Variants in RPL3 observed in about 807,000 individuals in gnomAD.
The protein encoded by RPL3 is ribosomal protein L3, also known as large ribosomal subunit protein uL3.
In RPL3, 3 loss-of-function variants were observed where a neutral mutation model predicts 46.0. That is an observed-to-expected ratio of 0.07 (90% CI 0.03 to 0.17). RPL3 has a LOEUF of 0.17. Ranked by LOEUF, RPL3 falls within the 10% of genes least tolerant of loss-of-function variation. The pLI is 1.00. For synonymous variants in RPL3, 224 were observed against 190.8 expected (o/e 1.17, Z -1.43); for missense variants, 387 against 532.7 (o/e 0.73, Z 2.69).
rs766430898 is a variant in RPL3, at chr22:39,314,090, G to T, written c.951+17C>A. ...AGGCCTGGGATGGCCTCACAGAGCA[G>T]AACACCCATTACTTACCAGAGGGTT... On this transcript the variant is annotated intron_variant, in intron 7 of 9. Coordinates refer to ENST00000216146, the MANE Select transcript of RPL3 (RefSeq NM_000967.4). 2 of 1,605,378 alleles carry T rather than the reference G, an allele frequency of 1.2e-6. No homozygotes were observed. Among genetic ancestry groups the T allele is most frequent in the African/African-American group, 2.7e-5 (2 of 74,746 alleles).
intron 1 of RPL3, 70 bp downstream of exon 1, chr22:39,319,525 C>G: frequency 6.5e-7 from 1 of 1,549,652 alleles, no homozygotes; most frequent in East Asian, 2.4e-5. Context: ...GACGGGATGG[C>G]GGCGATGCGT....
intron 5 of RPL3, 98 bp from the exon 6 acceptor site, chr22:39,314,944 G>A: frequency 1.3e-6 from 2 of 1,504,014 alleles, no homozygotes; most frequent in Non-Finnish European, 1.8e-6. Flanking sequence ...GGTCATCTGA[G>A]GGAGTGATAA....
intron 2 of RPL3, 131 bp downstream of exon 2, chr22:39,318,269 A>C: frequency 2.4e-6 from 2 of 848,166 alleles, no homozygotes; most frequent in Middle Eastern, 2.3e-4. Flanking sequence ...CTGCTGTCGC[A>C]GCAGTTCTGA....
Position 39,317,565 on chromosome 22 carries a change from C to G in RPL3, c.261G>C (p.Val87=). The change falls in exon 3 of 10, where the codon GTG becomes GTC. Residue 87 remains valine, a synonymous_variant. Transcript: ENST00000216146. ...GGGTTTCCACGTAGCCCACAATGCCCACAACCACCATGGGTGGTGTCTCTA... is the reference window on the plus strand; with the variant it reads ...GGGTTTCCACGTAGCCCACAATGCCGACAACCACCATGGGTGGTGTCTCTA... ...TIVETPPMVV[V]GIVGYVETPR... 6.2e-7 allele frequency: 1 copy of G among 1,613,956 alleles called. No individual in the cohort carries two copies. Among genetic ancestry groups the G allele is most frequent in the Non-Finnish European group, 8.5e-7 (1 of 1,179,850 alleles).
At chr22:39,317,392 G>C (rs767064371) in intron 3 of RPL3, 69 bp downstream of exon 3, 233 of 1,533,016 alleles carry the variant, frequency 1.5e-4, no homozygotes, top group Non-Finnish European at 2.0e-4. Context: ...GAGAAACCAT[G>C]CACACGCTGC....
intron 2 of RPL3, chr22:39,317,889 A>C: frequency 2.0e-6 from 1 of 487,954 alleles, no homozygotes; most frequent in East Asian, 3.4e-5. Flanking sequence ...CTGGAGGCAG[A>C]CAAGATTGCT....
At chr22:39,319,339 ACGCCGGGCCTCCAAG>A in intron 1 of RPL3, 1 of 600,274 alleles carries the variant, frequency 1.7e-6, no homozygotes, top group Non-Finnish European at 3.0e-6. Flanking sequence ...GGCTTTAAAA[ACGCCGGGCCTCCAAG>A]CCTGCTCCCA....
intron 2 of RPL3, 22 bp from the exon 3 acceptor site, chr22:39,317,651 C>CA (rs1569161845): frequency 6.2e-7 from 1 of 1,609,544 alleles, no homozygotes; most frequent in South Asian, 1.1e-5. Flanking sequence ...AAGCAGTAGT[C>CA]AGACTTGGCA....
chr22:39,317,836 A>G (rs1922801968), intron 2 of RPL3: 5 of 561,302 alleles, frequency 8.9e-6, no homozygotes, highest in Non-Finnish European at 1.6e-5. Context: ...GACCCTAGAC[A>G]GCCAAATACC....
chr22:39,318,198 GCAAA>G (rs1428460774), intron 2 of RPL3, 198 bp downstream of exon 2: 1 of 578,114 alleles, frequency 1.7e-6, no homozygotes, highest in Non-Finnish European at 3.0e-6. Context: ...CGCACCTAAA[GCAAA>G]CAGTGCTGAC....
Position 39,313,739 on chromosome 22 carries a change from G to A in RPL3, c.952-10C>T, listed in dbSNP as rs748071586. ...AGTGGACAAAGCCACCCTGGAAAAC[G>A]AGCATCGGATCAGCACAGGCCCAGG... On this transcript the variant is annotated splice_polypyrimidine_tract_variant and intron_variant, in intron 7 of 9. Coordinates refer to ENST00000216146, the MANE Select transcript of RPL3 (RefSeq NM_000967.4). 102 of 1,613,030 alleles carry A rather than the reference G, an allele frequency of 6.3e-5. No homozygotes were observed. Among genetic ancestry groups the A allele is most frequent in the Middle Eastern group, 4.9e-4 (3 of 6,084 alleles).
chr22:39,316,270 G>C (rs1476744362), intron 4 of RPL3, among the ~76,000 whole-genome samples: 3 of 150,176 alleles, frequency 2.0e-5, no homozygotes, highest in Non-Finnish European at 3.0e-5. Flanking sequence ...TAAGCATAAA[G>C]CTTTCACTCA....
rs576724641 is a variant in RPL3 at position 39,315,700 on chromosome 22, G to A, written c.502-145C>T. On this transcript the variant is annotated intron_variant, in intron 4 of 9. Coordinates refer to ENST00000216146, the MANE Select transcript of RPL3 (RefSeq NM_000967.4). ...ACAAGTCACTGAACCTCACCAAGAG[G>A]AAGGAACTTTCATTTTTGCCAACAG... The A allele has an allele frequency of 1.2e-4, 115 of 942,346 alleles. 3 individuals are homozygous for A. The South Asian group carries it at 1.7e-3, about 14-fold the overall frequency. The allele number at this position is 942,346 out of a possible 1,614,324, so 58.4% of individuals were successfully genotyped here. A position where few individuals can be genotyped will look rare whatever the true frequency, so the allele number is the denominator to read the frequency against.
intron 5 of RPL3, 21 bp from the exon 6 acceptor site, chr22:39,314,867 T>C: frequency 6.2e-7 from 1 of 1,606,548 alleles, no homozygotes; most frequent in Non-Finnish European, 8.5e-7. Context: ...TACACATTAC[T>C]TCACCTCAGC....
In RPL3 at chr22:39,317,551, T is replaced by C. The variant is rs1569161735; in HGVS notation, c.275A>G (p.Tyr92Cys). ...PPMVVVGIVG[Y>C]VETPRGLRTF... ...CCGGAGGCCTCGAGGGGTTTCCACG[T>C]AGCCCACAATGCCCACAACCACCAT... The change falls in exon 3 of 10, where the codon TAC (tyrosine) becomes TGC (cysteine). Residue 92 changes from tyrosine (Y) to cysteine (C), a missense_variant. Around this residue, in one of 5 missense-constraint regions of RPL3, gnomAD observed 196 missense variants for 217.5 expected, o/e 0.90. Transcript: ENST00000216146. 5 of 1,613,982 alleles carry C rather than the reference T, an allele frequency of 3.1e-6. No individual in the cohort carries two copies. Among genetic ancestry groups the C allele is most frequent in the Non-Finnish European group, 4.2e-6 (5 of 1,179,862 alleles).
chr22:39,316,716 G>A lies in RPL3; in HGVS notation c.491C>T (p.Ala164Val), dbSNP rs1165201963. Residue 164 changes from alanine (A) to valine (V), a missense_variant, in exon 4 of 10, where the codon GCC (alanine) becomes GTC (valine). Ala to Val is a moderately conservative substitution (Grantham distance 64). Transcript: ENST00000216146. Reference sequence around the variant, plus strand: ...GGGCACTGGGCTCACCTGGGTGTGGGCAATGACACGGATGACTTGGCAGTA... The same window carrying A: ...GGGCACTGGGCTCACCTGGGTGTGGACAATGACACGGATGACTTGGCAGTA... ...KKYCQVIRVI[A>V]HTQMRLLPLR... is the part of the protein sequence containing the mutation. 6.2e-7 allele frequency: 1 copy of A among 1,612,326 alleles called. No individual in the cohort carries two copies.
In RPL3 at chr22:39,319,139, G is replaced by A. The variant is rs149482449; in HGVS notation, c.3+456C>T. 535 of 541,762 alleles carry A rather than the reference G, an allele frequency of 9.9e-4. 3 individuals carry two copies. The highest frequency in any genetic ancestry group is 8.6e-3 in the African/African-American group (452 of 52,340). 33.6% of individuals were successfully genotyped at this position (541,762 alleles called of 1,614,324 possible). Reference sequence around the variant, plus strand: ...GTTTCTGCGAGCTCCAGAGGCCTTCGGAGTGCACCAGCGGCCCCAGATATT... The same window carrying A: ...GTTTCTGCGAGCTCCAGAGGCCTTCAGAGTGCACCAGCGGCCCCAGATATT... On this transcript the variant is annotated intron_variant, in intron 1 of 9. Transcript: ENST00000216146.
chr22:39,313,400 C>G, intron 8 of RPL3, 90 bp from the exon 9 acceptor site: 1 of 1,570,284 alleles, frequency 6.4e-7, no homozygotes, highest in South Asian at 1.2e-5. Flanking sequence ...TGGGAAGCCA[C>G]ACGATCAATT....
chr22:39,316,570 G>A (rs1922704574), intron 4 of RPL3, 136 bp downstream of exon 4: 3 of 1,081,226 alleles, frequency 2.8e-6, no homozygotes, highest in Admixed American at 2.2e-5. Flanking sequence ...CCCTTGCTAA[G>A]GGCCAGTAAG....
Sources: allele counts gnomAD v4.1 joint callset (sites outside exome capture counted in the v4.1 genomes callset), GRCh38; gene constraint gnomAD v4.1.1; regional missense constraint gnomAD v4.1.1; transcripts MANE v1.5; gene names NCBI Gene and HGNC (gene_info 2026-07-23, HGNC 2026-07-21).